Variants in GRK4 observed in about 807,000 individuals in gnomAD.
GRK4 encodes G protein-coupled receptor kinase 2-like.
In GRK4, 73 loss-of-function variants were observed where a neutral mutation model predicts 77.9. The observed-to-expected ratio is 0.94, with a 90% CI of 0.78 to 1.14. The LOEUF is 1.14. Among genes scored for constraint, GRK4 ranks in the 50% most tolerant of loss-of-function variants. GRK4 has a pLI of 0.00. For missense variants in GRK4, 729 were observed against 700.2 expected (o/e 1.04, Z -0.46); for synonymous variants, 257 against 254.4 (o/e 1.01, Z -0.10).
rs185026274 is a variant in GRK4 at position 2,967,622 on chromosome 4, C to T, written c.52+3500C>T. On this transcript the variant is annotated intron_variant, in intron 1 of 15. Coordinates refer to ENST00000398052, the MANE Select transcript of GRK4 (RefSeq NM_182982.3). ...CCATGTTGGCCAGGCTAGTCTTGAA[C>T]TCCTGACCTCAAGTGATTCGCCCAC... is the stretch of plus-strand genomic sequence containing the variant. 2.0e-5 allele frequency among the ~76,000 whole-genome samples: 3 copies of T among 152,318 alleles called. No homozygotes were observed. In the East Asian group the frequency reaches 5.8e-4, roughly 29 times the overall value.
At chr4:3,026,467 C>T (rs1008403278) in intron 10 of GRK4, among the ~76,000 whole-genome samples, 3 of 152,196 alleles carry the variant, frequency 2.0e-5, no homozygotes, top group African/African-American at 4.8e-5. Context: ...CGGTGGCTCA[C>T]GCCTGTAATC....
rs1733535577 is a variant in GRK4 at position 3,013,569 on chromosome 4, C to T, written c.601-119C>T. 44 of 1,210,968 alleles carry T rather than the reference C, an allele frequency of 3.6e-5. No individual in the cohort carries two copies. The South Asian group carries it at 6.3e-4, about 17-fold the overall frequency. 75.0% of individuals were successfully genotyped at this position (1,210,968 alleles called of 1,614,324 possible). On this transcript the variant is annotated intron_variant, in intron 7 of 15. Transcript: ENST00000398052. ...GCTCACCTTTGAAACGGTCTCGGCT[C>T]CTCATGCACTGCTGCTGGTCTCTGC... is the stretch of plus-strand genomic sequence containing the variant.
intron 8 of GRK4, among the ~76,000 whole-genome samples, chr4:3,015,654 A>G (rs536297086): frequency 0.021 from 3,200 of 150,792 alleles, 40 homozygotes; most frequent in African/African-American, 0.029. Flanking sequence ...CAGCCTGGGC[A>G]ACAGAGCAAG....
In GRK4 at chr4:3,001,089, A is replaced by ATATATATATGTGTG; in HGVS notation, c.340-3141_340-3140insATATATATGTGTGT. 6.9e-4 allele frequency among the ~76,000 whole-genome samples: 57 copies of ATATATATATGTGTG among 82,428 alleles called. 10 individuals are homozygous for ATATATATATGTGTG. Among genetic ancestry groups the ATATATATATGTGTG allele is most frequent in the African/African-American group, 3.2e-3 (55 of 17,210 alleles). 54.1% of individuals were successfully genotyped at this position (82,428 alleles called of 152,430 possible). On this transcript the variant is annotated intron_variant, in intron 4 of 15. Coordinates refer to ENST00000398052, the MANE Select transcript of GRK4 (RefSeq NM_182982.3). ...TAAATGAGACTATATATATATATAT[A>ATATATATATGTGTG]TGTGTGTGTGTGTGTGTATATATAT...
intron 3 of GRK4, among the ~76,000 whole-genome samples, chr4:2,990,311 C>G (rs1320383901): frequency 4.0e-5 from 5 of 125,702 alleles, no homozygotes; most frequent in Non-Finnish European, 7.8e-5. Context: ...GGCTGGAGTG[C>G]TATGGCGTGA....
At chr4:2,972,633 A>G (rs891273654) in intron 1 of GRK4, among the ~76,000 whole-genome samples, 2 of 151,810 alleles carry the variant, frequency 1.3e-5, no homozygotes, top group Non-Finnish European at 2.9e-5. Flanking sequence ...TGTGTGCTTC[A>G]TGCCCCACCA....
In GRK4 at chr4:2,999,412, T is replaced by C. The variant is rs1490554282; in HGVS notation, c.340-4819T>C. 3.3e-5 allele frequency among the ~76,000 whole-genome samples: 5 copies of C among 152,342 alleles called. No individual in the cohort carries two copies. In the East Asian group the frequency reaches 9.6e-4, roughly 29 times the overall value. On this transcript the variant is annotated intron_variant, in intron 4 of 15. Coordinates refer to ENST00000398052, the MANE Select transcript of GRK4 (RefSeq NM_182982.3). ...TTTTAAAGGTCCCACCTCTCAACAC[T>C]GTTGCATTGGGAATTAAGCTACCAA...
At position 2,984,525 on chromosome 4, in the gene GRK4, A is replaced by G. The variant is rs1723710898; in HGVS notation, c.65A>G (p.Lys22Arg). The G allele has an allele frequency of 3.1e-6, 5 of 1,612,294 alleles. No homozygotes were observed. The African/African-American group carries it at 4.0e-5, about 13-fold the overall frequency. Residue 22 changes from lysine to arginine, a missense_variant, in exon 2 of 16, where the codon AAA becomes AGA. Coordinates refer to ENST00000398052, the MANE Select transcript of GRK4 (RefSeq NM_182982.3). ...CTCCCAAATTCAGGAGGATATGGCA[A>G]AAAAAGTGGTCGTAGTAAAAAATGG... ...LLKARQGGYG[K>R]KSGRSKKWKE...
At position 3,037,460 on chromosome 4, in the gene GRK4, C is replaced by T. The variant is rs746911755; in HGVS notation, c.1494C>T (p.Asp498=). The T allele has an allele frequency of 5.0e-6, 8 of 1,611,564 alleles. No individual in the cohort carries two copies. Among genetic ancestry groups the T allele is most frequent in the African/African-American group, 4.0e-5 (3 of 74,830 alleles). The change falls in exon 14 of 16, where the codon GAC becomes GAT. Residue 498 remains aspartate (D), a synonymous_variant. Coordinates refer to ENST00000398052, the MANE Select transcript of GRK4 (RefSeq NM_182982.3). ...TCTACCTGGACACCGCAGATGAAGA[C>T]TTCTATGCTCGGTTTGCTACCGGGT... ...KGIYLDTADE[D]FYARFATGCV...
At chr4:2,966,425 AAG>A (rs1266906896) in intron 1 of GRK4, 1 of 152,118 alleles carries the variant, frequency 6.6e-6, no homozygotes, top group African/African-American at 2.4e-5. Flanking sequence ...AAAAAAAAAA[AAG>A]AAAGTTTTAA....
intron 8 of GRK4, among the ~76,000 whole-genome samples, chr4:3,016,532 C>CAAAA (rs527985170): frequency 1.3e-5 from 1 of 77,252 alleles, no homozygotes. Context: ...ACTCAATCTC[C>CAAAA]AAAAAAAAAA....
chr4:2,976,878 A>G lies in GRK4; in HGVS notation c.53-7635A>G, dbSNP rs917976483. ...GGTCTCAAACTGCCGACCTCAGGTG[A>G]TCTGTCCACCCCGGTCTCCCAAAGT... On this transcript the variant is annotated intron_variant, in intron 1 of 15. Transcript: ENST00000398052. Among the ~76,000 whole-genome samples the G allele has an allele frequency of 4.6e-5, 7 of 152,092 alleles. No individual in the cohort carries two copies. In the East Asian group the frequency reaches 1.3e-3, roughly 29 times the overall value.
Position 2,963,995 on chromosome 4 carries a change from G to T in GRK4, c.-76G>T. 1 of 1,330,386 alleles carries T rather than the reference G, an allele frequency of 7.5e-7. No homozygotes were observed. The highest frequency in any genetic ancestry group is 1.1e-6 in the Non-Finnish European group (1 of 939,538). The allele number at this position is 1,330,386 out of a possible 1,614,324, so 82.4% of individuals were successfully genotyped here. On this transcript the variant is annotated 5_prime_UTR_variant, in exon 1 of 16. Coordinates refer to ENST00000398052, the MANE Select transcript of GRK4 (RefSeq NM_182982.3). ...TGCCCGGCGAGCTATGCACGGGGGC[G>T]GCGGCGTCTCCTCCTGTTCCGCCTC...
chr4:2,992,131 A>G, intron 3 of GRK4, 84 bp from the exon 4 acceptor site: 1 of 884,524 alleles, frequency 1.1e-6, no homozygotes, highest in Non-Finnish European at 1.9e-6. Context: ...TCCCAACCTC[A>G]GCGTCCCAAG....
chr4:3,010,481 C>A (rs1227558128), intron 7 of GRK4, among the ~76,000 whole-genome samples: 1 of 152,158 alleles, frequency 6.6e-6, no homozygotes, highest in Non-Finnish European at 1.5e-5. Flanking sequence ...CCCTCCTCAG[C>A]CTCCCAAAGT....
intron 12 of GRK4, among the ~76,000 whole-genome samples, chr4:3,031,577 C>T (rs1019024797): frequency 3.3e-5 from 5 of 152,132 alleles, no homozygotes; most frequent in African/African-American, 9.7e-5. Flanking sequence ...ATGGGCTCGA[C>T]GCTGGCTCCA....
chr4:2,984,536 C>T lies in GRK4; in HGVS notation c.76C>T (p.Arg26Cys), dbSNP rs146194528. 119 of 1,612,190 alleles carry T rather than the reference C, an allele frequency of 7.4e-5. No homozygotes were observed. The highest frequency in any genetic ancestry group is 9.2e-5 in the Non-Finnish European group (108 of 1,178,958). Residue 26 changes from arginine (R) to cysteine (C), a missense_variant, in exon 2 of 16, where the codon CGT (arginine) becomes TGT (cysteine). Transcript: ENST00000398052. ...AGGAGGATATGGCAAAAAAAGTGGT[C>T]GTAGTAAAAAATGGAAGGAGATACT... ...RQGGYGKKSG[R>C]SKKWKEILTL...
chr4:3,017,550 C>T (rs1418659202), intron 8 of GRK4, among the ~76,000 whole-genome samples: 1 of 152,106 alleles, frequency 6.6e-6, no homozygotes, highest in East Asian at 1.9e-4. Context: ...GTAAGGGATC[C>T]TTACTAATTC....
intron 6 of GRK4, among the ~76,000 whole-genome samples, chr4:3,008,481 G>A (rs1731945947): frequency 6.6e-6 from 1 of 152,198 alleles, no homozygotes; most frequent in Non-Finnish European, 1.5e-5. Flanking sequence ...ATAGCACAAT[G>A]TTTGGTGCAC....
Sources: allele counts gnomAD v4.1 joint callset (sites outside exome capture counted in the v4.1 genomes callset), GRCh38; gene constraint gnomAD v4.1.1; transcripts MANE v1.5; gene names NCBI Gene and HGNC (gene_info 2026-07-23, HGNC 2026-07-21).